Variants in LSS observed in about 807,000 individuals in gnomAD.
The protein encoded by LSS is 2,3-epoxysqualene-lanosterol cyclase.
A neutral mutation model predicts 110.3 loss-of-function variants in LSS; 90 were observed. The observed-to-expected ratio is 0.82, with a 90% CI of 0.69 to 0.97. LSS has a LOEUF of 0.97. Ranked by LOEUF, LSS falls within the 50% of genes least tolerant of loss-of-function variation. The pLI, the probability that LSS is intolerant of heterozygous loss-of-function variation, is 0.00. For missense variants in LSS, 927 were observed against 990.0 expected (o/e 0.94, Z 0.85); for synonymous variants, 433 against 400.0 (o/e 1.08, Z -0.98).
Position 46,209,692 on chromosome 21 carries a change from C to T in LSS, c.1195-67G>A. 1 of 1,409,906 alleles carries T rather than the reference C, an allele frequency of 7.1e-7. No individual in the cohort carries two copies. The highest frequency in any genetic ancestry group is 9.9e-7 in the Non-Finnish European group (1 of 1,014,992). 87.3% of individuals were successfully genotyped at this position (1,409,906 alleles called of 1,614,324 possible). On this transcript the variant is annotated intron_variant, in intron 12 of 21. Transcript: ENST00000397728. This position sits in a 1 kb window ranked among gnomAD's most constrained non-coding sequence, Gnocchi z 4.4. Reference sequence around the variant, plus strand: ...ACGGCCAGCATGGCTGCGCTGGTTTCCCGATGGTCCTGGCCACATCCTGCC... The same window carrying T: ...ACGGCCAGCATGGCTGCGCTGGTTTTCCGATGGTCCTGGCCACATCCTGCC...
At chr21:46,192,329 A>G (rs1386773346) in intron 20 of LSS, 1 of 406,238 alleles carries the variant, frequency 2.5e-6, no homozygotes, top group Admixed American at 3.3e-5. Context: ...TAAGACACCA[A>G]GAAGGATCCA....
chr21:46,213,168 T>C, intron 10 of LSS, 116 bp from the exon 11 acceptor site: 1 of 980,092 alleles, frequency 1.0e-6, no homozygotes, highest in Non-Finnish European at 1.6e-6. Flanking sequence ...TCCCGAGGCC[T>C]GGCACTGGCC....
At chr21:46,208,921 C>A (rs1339863410) in intron 13 of LSS, among the ~76,000 whole-genome samples, 1 of 152,178 alleles carries the variant, frequency 6.6e-6, no homozygotes, top group Non-Finnish European at 1.5e-5. Context: ...CTAGTGAGAG[C>A]TGAAGGGAGG....
chr21:46,216,471 C>T lies in LSS; in HGVS notation c.701G>A (p.Arg234Gln), dbSNP rs1413144563. 3.7e-6 allele frequency: 6 copies of T among 1,613,468 alleles called. No individual in the cohort carries two copies. Among genetic ancestry groups the T allele is most frequent in the Admixed American group, 1.7e-5 (1 of 59,992 alleles). ...GTAGCTCATGGGCAGGTACACCTGCCGGCAGTGGCACCAGAGTGTGGAGGG... is the reference window on the plus strand; with the variant it reads ...GTAGCTCATGGGCAGGTACACCTGCTGGCAGTGGCACCAGAGTGTGGAGGG... The part of the protein sequence containing the change: ...AHPSTLWCHC[R>Q]QVYLPMSYCY... The change falls in exon 7 of 22, where the codon CGG becomes CAG. Residue 234 changes from arginine (R) to glutamine (Q), a missense_variant. By Grantham distance (43) the Arg-to-Gln change is conservative (BLOSUM62 1). Coordinates refer to ENST00000397728, the MANE Select transcript of LSS (RefSeq NM_002340.6). The surrounding 1 kb of genome is among the most constrained non-coding windows in gnomAD (Gnocchi z 4.2).
rs953332096 is a variant in LSS, at chr21:46,227,398, G to C, written c.319+154C>G. The C allele has an allele frequency of 6.8e-6, 6 of 879,260 alleles. No individual in the cohort carries two copies. The African/African-American group carries it at 8.5e-5, about 12-fold the overall frequency. 54.5% of individuals were successfully genotyped at this position (879,260 alleles called of 1,614,324 possible). A position where few individuals can be genotyped will look rare whatever the true frequency, so the allele number is the denominator to read the frequency against. ...TAGCTGATCCCCTAGACCAATAGCA[G>C]GACGACTCTGACATAGGGCAGAGTT... On this transcript the variant is annotated intron_variant, in intron 3 of 21. Coordinates refer to ENST00000397728, the MANE Select transcript of LSS (RefSeq NM_002340.6).
intron 11 of LSS, 116 bp from the exon 12 acceptor site, chr21:46,210,860 C>A (rs964104955): frequency 1.8e-4 from 164 of 936,216 alleles, no homozygotes; most frequent in Non-Finnish European, 2.4e-4. Flanking sequence ...ACCCAGCCAA[C>A]GCTCAGCCTC....
Position 46,219,577 on chromosome 21 carries a change from G to C in LSS, c.551-5C>G, listed in dbSNP as rs576942142. 7.0e-6 allele frequency: 11 copies of C among 1,579,314 alleles called. No individual in the cohort carries two copies. Among genetic ancestry groups the C allele is most frequent in the African/African-American group, 2.7e-5 (2 of 73,520 alleles). On this transcript the variant is annotated splice_polypyrimidine_tract_variant and splice_region_variant and intron_variant, in intron 5 of 21. Transcript: ENST00000397728. ...AGGGGATGGCCACAGCACCACCTGA[G>C]CGGGGAGAGAATAGGCCCACGTCAT...
At chr21:46,226,572 T>C (rs561101103) in intron 3 of LSS, among the ~76,000 whole-genome samples, 1 of 152,332 alleles carries the variant, frequency 6.6e-6, no homozygotes, top group African/African-American at 2.4e-5. Context: ...TCTGGTTACC[T>C]GGAATAAATG....
In LSS at chr21:46,189,719, G is replaced by A. The variant is rs985444919; in HGVS notation, c.*1385C>T. ...TGATCAGCCAGGGGGAGAGGCCAGG[G>A]ACTGCTACCTGCCCAGAAGGCGGCA... On this transcript the variant is annotated 3_prime_UTR_variant, in exon 22 of 22. Transcript: ENST00000397728. 1.3e-5 allele frequency: 6 copies of A among 456,958 alleles called. No individual in the cohort carries two copies. Among genetic ancestry groups the A allele is most frequent in the Admixed American group, 9.4e-5 (4 of 42,602 alleles). 28.3% of individuals were successfully genotyped at this position (456,958 alleles called of 1,614,324 possible).
intron 6 of LSS, among the ~76,000 whole-genome samples, chr21:46,218,789 G>A (rs866918898): frequency 1.8e-4 from 27 of 147,920 alleles, no homozygotes; most frequent in Middle Eastern, 3.4e-3. Flanking sequence ...ATGGTGGCAC[G>A]ATCTCGGCTC....
In LSS at chr21:46,207,512, C is replaced by CA; in HGVS notation, c.1382dup (p.Leu461PhefsTer44). ...TCTCCTGCAGGAGCAGCACAGCCTT[C>CA]AAGGCCTCAGCCGTGCAGTCAGAAA... is the stretch of plus-strand genomic sequence containing the variant. On this transcript the variant is annotated frameshift_variant, in exon 15 of 22. Coordinates refer to ENST00000397728, the MANE Select transcript of LSS (RefSeq NM_002340.6). 1 of 1,612,344 alleles carries CA rather than the reference C, an allele frequency of 6.2e-7. No homozygotes were observed. The highest frequency in any genetic ancestry group is 8.5e-7 in the Non-Finnish European group (1 of 1,179,420).
At chr21:46,215,612 A>G in intron 8 of LSS, 73 bp downstream of exon 8, 1 of 1,037,252 alleles carries the variant, frequency 9.6e-7, no homozygotes, top group Non-Finnish European at 1.4e-6. Context: ...GCAGGGGATG[A>G]GTGCGTGAAT....
chr21:46,222,042 T>TC (rs1280500741), intron 4 of LSS, 67 bp from the exon 5 acceptor site: 47 of 1,576,226 alleles, frequency 3.0e-5, no homozygotes, highest in Non-Finnish European at 3.7e-5. Context: ...AAGCAAAACT[T>TC]TCTGTGGAGT....
intron 6 of LSS, 114 bp downstream of exon 6, chr21:46,219,362 A>C: frequency 9.7e-5 from 56 of 577,364 alleles, no homozygotes; most frequent in East Asian, 7.1e-5. Context: ...CCACCCACCC[A>C]CAGAATGCCC....
intron 21 of LSS, among the ~76,000 whole-genome samples, 172 bp from the exon 22 acceptor site, chr21:46,191,407 C>G (rs1015141072): frequency 6.6e-6 from 1 of 152,168 alleles, no homozygotes; most frequent in African/African-American, 2.4e-5. Context: ...TCAGTCATGG[C>G]ACCATCAGCC....
At chr21:46,210,385 G>A (rs1264109957) in intron 12 of LSS, among the ~76,000 whole-genome samples, 3 of 152,030 alleles carry the variant, frequency 2.0e-5, no homozygotes, top group Non-Finnish European at 4.4e-5. Context: ...CCAGTTCTAA[G>A]AAGAGCCTGG....
chr21:46,208,267 T>A lies in LSS; in HGVS notation c.1301A>T (p.Tyr434Phe). 6.4e-7 allele frequency: 1 copy of A among 1,552,476 alleles called. No individual in the cohort carries two copies. The highest frequency in any genetic ancestry group is 1.4e-5 in the African/African-American group (1 of 73,182). The change falls in exon 14 of 22, where the codon TAC (tyrosine) becomes TTC (phenylalanine). Residue 434 changes from tyrosine (Y) to phenylalanine (F), a missense_variant. Transcript: ENST00000397728. ...PDNPPDYQKY[Y>F]RQMRKGGFSF... ...CCCGCATACCTTGCGCATCTGGCGG[T>A]AGTACTTCTGGTAGTCGGGAGGGTT... is the stretch of plus-strand genomic sequence containing the variant.
Position 46,215,687 on chromosome 21 carries a change from T to C in LSS, c.890A>G (p.Tyr297Cys), listed in dbSNP as rs763985979. ...CCGGCCCCTCAGGAGGCGCTCACCATATACCACGCGGAGCAGCCAGCTGTG... is the reference window on the plus strand; with the variant it reads ...CCGGCCCCTCAGGAGGCGCTCACCACATACCACGCGGAGCAGCCAGCTGTG... Reference protein sequence around the residue: ...TPHSWLLRVVYALLNLYEHHH... With the variant: ...TPHSWLLRVVCALLNLYEHHH... The change falls in exon 8 of 22, where the codon TAT (tyrosine) becomes TGT (cysteine). Residue 297 changes from tyrosine (Y) to cysteine (C), a missense_variant and splice_region_variant. Transcript: ENST00000397728. 3.1e-6 allele frequency: 5 copies of C among 1,608,934 alleles called. No homozygotes were observed. The highest frequency in any genetic ancestry group is 4.2e-6 in the Non-Finnish European group (5 of 1,176,936).
At chr21:46,225,363 G>A (rs921615723) in intron 3 of LSS, 38 of 452,588 alleles carry the variant, frequency 8.4e-5, no homozygotes, top group Non-Finnish European at 1.8e-5. Flanking sequence ...TCTGGGAAGA[G>A]GCCCGTTGCC....
Sources: allele counts gnomAD v4.1 joint callset (sites outside exome capture counted in the v4.1 genomes callset), GRCh38; gene constraint gnomAD v4.1.1; non-coding constraint Gnocchi (gnomAD v3.1); transcripts MANE v1.5; gene names NCBI Gene and HGNC (gene_info 2026-07-23, HGNC 2026-07-21).